Variants in APBA1 observed in about 807,000 individuals in gnomAD.
APBA1 encodes the protein amyloid beta precursor protein binding family A member 1.
In APBA1, 55 loss-of-function variants were observed where a neutral mutation model predicts 86.6. The ratio of observed to expected loss-of-function variants is 0.64; its 90% CI spans 0.51 to 0.80. The LOEUF (loss-of-function observed/expected upper bound fraction) is 0.80, where lower values mean the gene tolerates loss of function less well. Ranked by LOEUF, APBA1 falls within the 30% of genes least tolerant of loss-of-function variation. APBA1 has a pLI of 0.00. For synonymous variants in APBA1, 511 were observed against 493.9 expected, an observed-to-expected ratio of 1.03 and a Z score of -0.46; for missense variants, 1,090 against 1,183.0, an observed-to-expected ratio of 0.92 and a Z score of 1.15.
chr9:69,633,217 C>T (rs1823085656), intron 1 of APBA1, among the ~76,000 whole-genome samples: 1 of 152,022 alleles, frequency 6.6e-6, no homozygotes, highest in Non-Finnish European at 1.5e-5. Context: ...TTGCAAACCT[C>T]AGGATGTCTC....
intron 1 of APBA1, among the ~76,000 whole-genome samples, chr9:69,543,581 C>T (rs934486307): frequency 3.9e-5 from 6 of 152,134 alleles, no homozygotes; most frequent in Non-Finnish European, 8.8e-5. Flanking sequence ...AATAGCATTT[C>T]ATGTTCCTGG....
chr9:69,598,840 A>T (rs1298680752), intron 1 of APBA1, among the ~76,000 whole-genome samples: 5 of 152,226 alleles, frequency 3.3e-5, no homozygotes, highest in African/African-American at 1.2e-4. Context: ...AAGTCCAAGG[A>T]TCAAGCTTTC....
chr9:69,466,510 TTCCC>T (rs1564042166), intron 5 of APBA1, among the ~76,000 whole-genome samples: 2 of 152,194 alleles, frequency 1.3e-5, no homozygotes, highest in Admixed American at 6.5e-5. Flanking sequence ...ATCTGCAGGC[TTCCC>T]CTGCACTCTG....
intron 2 of APBA1, among the ~76,000 whole-genome samples, chr9:69,499,313 T>C (rs758633785): frequency 2.0e-5 from 3 of 152,070 alleles, no homozygotes; most frequent in Non-Finnish European, 2.9e-5. Flanking sequence ...CAGCCAAGAA[T>C]TGATCCACTT....
intron 1 of APBA1, among the ~76,000 whole-genome samples, chr9:69,595,667 C>A (rs538671447): frequency 1.4e-4 from 21 of 152,274 alleles, no homozygotes; most frequent in African/African-American, 5.1e-4. Flanking sequence ...GTTGCTCAAT[C>A]TAGCTATATC....
chr9:69,665,798 T>C (rs1249608801), intron 1 of APBA1, among the ~76,000 whole-genome samples: 4 of 152,224 alleles, frequency 2.6e-5, no homozygotes, highest in Admixed American at 1.3e-4. Context: ...TTTTCTGATG[T>C]GATCTCGGCT....
chr9:69,603,895 C>T (rs1021279618), intron 1 of APBA1, among the ~76,000 whole-genome samples: 4 of 152,208 alleles, frequency 2.6e-5, no homozygotes, highest in African/African-American at 9.6e-5. Context: ...AGAGAACGGC[C>T]TCTTCAGTCT....
At chr9:69,491,764 ATT>A (rs151248069) in intron 2 of APBA1, among the ~76,000 whole-genome samples, 85,124 of 132,290 alleles carry the variant, frequency 0.64, 27,006 homozygotes, top group East Asian at 0.77. Context: ...TATCCCTTGA[ATT>A]TTTTTTTTTT....
rs148815563 is a variant in APBA1 at position 69,440,859 on chromosome 9, C to T, written c.2301+137G>A. The T allele has an allele frequency of 5.6e-4, 634 of 1,141,548 alleles. 4 individuals are homozygous for T. In the African/African-American group the frequency reaches 9.0e-3, roughly 16 times the overall value. 70.7% of individuals were successfully genotyped at this position (1,141,548 alleles called of 1,614,324 possible). ...CTCAGTTGGAAATGCAGAAATTACCCGTCTTCTGCATCACTCACGCTGGGA... is the reference window on the plus strand; with the variant it reads ...CTCAGTTGGAAATGCAGAAATTACCTGTCTTCTGCATCACTCACGCTGGGA... On this transcript the variant is annotated intron_variant, in intron 11 of 12. Coordinates refer to ENST00000265381, the MANE Select transcript of APBA1 (RefSeq NM_001163.4).
At chr9:69,515,934 G>A (rs1353382723) in intron 2 of APBA1, 77 bp downstream of exon 2, 2 of 1,429,572 alleles carry the variant, frequency 1.4e-6, no homozygotes, top group African/African-American at 1.5e-5. Context: ...CACTACCCAA[G>A]GGCACACAAG....
chr9:69,458,320 T>C, intron 5 of APBA1, 132 bp from the exon 6 acceptor site: 1 of 679,238 alleles, frequency 1.5e-6, no homozygotes, highest in Non-Finnish European at 2.3e-6. Flanking sequence ...GAGGACTGGC[T>C]TTTAAAAATC....
Position 69,576,944 on chromosome 9 carries a change from TA to T in APBA1, c.-69-59666del, listed in dbSNP as rs1306376638. Among the ~76,000 whole-genome samples the T allele has an allele frequency of 2.6e-5, 4 of 152,190 alleles. No homozygotes were observed. In the East Asian group the frequency reaches 7.7e-4, roughly 29 times the overall value. ...ATTAAAAATAATTTTCAAATTTTTT[TA>T]TTTTTGGAGGGATGATAAAAATCTT... On this transcript the variant is annotated intron_variant, in intron 1 of 12. Transcript: ENST00000265381.
intron 1 of APBA1, among the ~76,000 whole-genome samples, chr9:69,632,848 G>C (rs943763029): frequency 1.3e-5 from 2 of 152,146 alleles, no homozygotes; most frequent in Non-Finnish European, 2.9e-5. Context: ...CCAAACGAAT[G>C]ATATTCTGTA....
At chr9:69,664,642 CT>C (rs1191880991) in intron 1 of APBA1, among the ~76,000 whole-genome samples, 1 of 152,144 alleles carries the variant, frequency 6.6e-6, no homozygotes, top group Non-Finnish European at 1.5e-5. Flanking sequence ...TGAAAGTAAA[CT>C]AATAAATTAA....
intron 3 of APBA1, among the ~76,000 whole-genome samples, chr9:69,475,241 G>T (rs1438026654): frequency 6.6e-6 from 1 of 152,218 alleles, no homozygotes; most frequent in East Asian, 1.9e-4. Flanking sequence ...GGCGACCACA[G>T]AATTTGTTGT....
intron 1 of APBA1, among the ~76,000 whole-genome samples, chr9:69,605,643 G>C (rs1822455984): frequency 6.6e-6 from 1 of 152,188 alleles, no homozygotes; most frequent in Admixed American, 6.5e-5. Context: ...TGTGCCCTTT[G>C]AGCTGCTGAC....
At chr9:69,646,376 T>C (rs549708829) in intron 1 of APBA1, among the ~76,000 whole-genome samples, 16 of 152,178 alleles carry the variant, frequency 1.1e-4, no homozygotes, top group Non-Finnish European at 1.8e-4. Flanking sequence ...ACAGGTCTGT[T>C]TTCTTCTGTA....
chr9:69,550,078 T>A (rs1836761123), intron 1 of APBA1, among the ~76,000 whole-genome samples: 1 of 151,978 alleles, frequency 6.6e-6, no homozygotes, highest in South Asian at 2.1e-4. Flanking sequence ...CTAAATTAGA[T>A]GAGATATGTA....
At chr9:69,586,907 C>A (rs1352676972) in intron 1 of APBA1, among the ~76,000 whole-genome samples, 1 of 152,156 alleles carries the variant, frequency 6.6e-6, no homozygotes, top group Non-Finnish European at 1.5e-5. Flanking sequence ...TATGATGAAG[C>A]AAAGAACCAA....
Sources: gnomAD v4.1 joint callset for allele counts (sites outside exome capture counted in the v4.1 genomes callset) on GRCh38, gnomAD v4.1.1 for gene constraint, MANE v1.5 for transcripts, NCBI Gene and HGNC (gene_info 2026-07-23, HGNC 2026-07-21) for gene names.